Variants in NFIC observed in about 807,000 individuals in gnomAD.
NFIC encodes the protein nuclear factor 1 C-type.
NFIC carries 12 observed loss-of-function variants against 54.4 expected under a neutral mutation model. The observed-to-expected ratio is 0.22, with a 90% CI of 0.14 to 0.36. NFIC has a LOEUF of 0.36. NFIC is among the 10% of genes least tolerant of loss of function. The pLI is 1.00. For synonymous variants in NFIC, 322 were observed against 319.2 expected (o/e 1.01, Z -0.09); for missense variants, 575 against 718.2 (o/e 0.80, Z 2.28).
rs1482993460 is a variant in NFIC, at chr19:3,453,052, T to TAG, written c.1269+387_1269+388dup. ...GAGTTCAAGACCAACCTGGGCAGCA[T>TAG]AGCGTGACCCAGTTTCTACAAAAAA... On this transcript the variant is annotated intron_variant, in intron 8 of 10. Transcript: ENST00000443272. The surrounding 1 kb of genome is among the most constrained non-coding windows in gnomAD (Gnocchi z 6.7). Among the ~76,000 whole-genome samples the TAG allele has an allele frequency of 1.3e-5, 2 of 152,078 alleles. No homozygotes were observed. Among genetic ancestry groups the TAG allele is most frequent in the Non-Finnish European group, 2.9e-5 (2 of 68,022 alleles).
chr19:3,417,103 T>C (rs544537032), intron 2 of NFIC, among the ~76,000 whole-genome samples: 20 of 150,128 alleles, frequency 1.3e-4, no homozygotes, highest in African/African-American at 4.9e-4. Context: ...GCCAGGATGG[T>C]CTCGATCTCC....
At chr19:3,448,884 C>T (rs190328306) in intron 6 of NFIC, 130 bp from the exon 7 acceptor site, 7 of 1,409,058 alleles carry the variant, frequency 5.0e-6, no homozygotes, top group Non-Finnish European at 4.8e-6. Flanking sequence ...GCCTCTCCCC[C>T]TCAGGATTCT....
At chr19:3,359,723 C>CT in intron 1 of NFIC, 4 of 1,415,686 alleles carry the variant, frequency 2.8e-6, no homozygotes, top group Middle Eastern at 2.1e-4. Flanking sequence ...CGCCCGGGGA[C>CT]TTTTTGGGGT....
At position 3,463,860 on chromosome 19, in the gene NFIC, C is replaced by G; in HGVS notation, c.*1091C>G. 1 of 984,112 alleles carries G rather than the reference C, an allele frequency of 1.0e-6. No individual in the cohort carries two copies. The highest frequency in any genetic ancestry group is 1.2e-6 in the Non-Finnish European group (1 of 829,132). 61.0% of individuals were successfully genotyped at this position (984,112 alleles called of 1,614,324 possible). On this transcript the variant is annotated 3_prime_UTR_variant, in exon 11 of 11. Transcript: ENST00000443272. ...AAGTGCCTGATTACCACCACCCGCC[C>G]CCCCCTTTGTCCAGCTGGGACACGG...
chr19:3,406,149 A>G (rs1038227390), intron 2 of NFIC, among the ~76,000 whole-genome samples: 3 of 151,956 alleles, frequency 2.0e-5, no homozygotes, highest in Non-Finnish European at 2.9e-5. Flanking sequence ...CTGGAGTGCA[A>G]TGGCACGATT....
At position 3,453,948 on chromosome 19, in the gene NFIC, G is replaced by T; in HGVS notation, c.1423+32G>T. The T allele has an allele frequency of 6.7e-7, 1 of 1,491,750 alleles. No individual in the cohort carries two copies. The highest frequency in any genetic ancestry group is 8.9e-7 in the Non-Finnish European group (1 of 1,124,578). The allele number at this position is 1,491,750 out of a possible 1,614,324, so 92.4% of individuals were successfully genotyped here. A position where few individuals can be genotyped will look rare whatever the true frequency, so the allele number is the denominator to read the frequency against. ...ACGCGGGAAGCGGTGCCCTGGTGGG[G>T]CGGATGTCCGCAGGGGGGCCTGTCC... On this transcript the variant is annotated intron_variant, in intron 9 of 10. Coordinates refer to ENST00000443272, the MANE Select transcript of NFIC (RefSeq NM_001245002.2). The surrounding 1 kb of genome is among the most constrained non-coding windows in gnomAD (Gnocchi z 6.7).
At position 3,464,472 on chromosome 19, in the gene NFIC, G is replaced by C; in HGVS notation, c.*1703G>C. 1 of 983,864 alleles carries C rather than the reference G, an allele frequency of 1.0e-6. No individual in the cohort carries two copies. The allele number at this position is 983,864 out of a possible 1,614,324, so 60.9% of individuals were successfully genotyped here. Reference sequence around the variant, plus strand: ...CGCCATCTTTAGGGGAGGCCTGGGAGGGGGTGTTAGGTGTTTTAGGGCCAC... The same window carrying C: ...CGCCATCTTTAGGGGAGGCCTGGGACGGGGTGTTAGGTGTTTTAGGGCCAC... On this transcript the variant is annotated 3_prime_UTR_variant, in exon 11 of 11. Transcript: ENST00000443272.
Position 3,468,850 on chromosome 19 carries a change from C to G in NFIC, c.*6081C>G, listed in dbSNP as rs1160000285. ...TCATGAACCCAATCCGGAGAAGGTT[C>G]CAGCAGGTCCCCCACCCTCCCCTCC... On this transcript the variant is annotated 3_prime_UTR_variant, in exon 11 of 11. Transcript: ENST00000443272. 1 of 152,342 alleles carries G rather than the reference C, an allele frequency of 6.6e-6. No individual in the cohort carries two copies. Among genetic ancestry groups the G allele is most frequent in the South Asian group, 2.1e-4 (1 of 4,822 alleles). The allele number at this position is 152,342 out of a possible 1,614,324, so 9.4% of individuals were successfully genotyped here.
At chr19:3,442,776 C>A (rs920882613) in intron 6 of NFIC, among the ~76,000 whole-genome samples, 5 of 152,200 alleles carry the variant, frequency 3.3e-5, no homozygotes, top group Non-Finnish European at 5.9e-5. Context: ...ACCTCCACCC[C>A]CCCTTGGCTC....
chr19:3,435,313 G>A (rs1298826839), intron 6 of NFIC, 106 bp downstream of exon 6: 4 of 1,405,022 alleles, frequency 2.8e-6, no homozygotes, highest in Admixed American at 2.8e-5. Flanking sequence ...CAGGAAGCCG[G>A]CCTGGAGCCG....
At chr19:3,394,759 G>A (rs1463008326) in intron 2 of NFIC, among the ~76,000 whole-genome samples, 2 of 151,936 alleles carry the variant, frequency 1.3e-5, no homozygotes, top group East Asian at 3.9e-4. Context: ...TCCACCTCCC[G>A]TCAGATCAGC....
chr19:3,433,665 C>T, intron 4 of NFIC, 73 bp downstream of exon 4: 6 of 1,493,618 alleles, frequency 4.0e-6, no homozygotes, highest in Non-Finnish European at 4.6e-6. Context: ...GAGCCCACCC[C>T]CCTCACCCTA....
intron 6 of NFIC, among the ~76,000 whole-genome samples, 186 bp downstream of exon 6, chr19:3,435,393 T>C (rs935922873): frequency 6.6e-6 from 1 of 152,206 alleles, no homozygotes; most frequent in African/African-American, 2.4e-5. Context: ...GTTCGCGTTC[T>C]CGGATCTCTT....
rs1005194118 is a variant in NFIC at position 3,453,955 on chromosome 19, T to C, written c.1423+39T>C. On this transcript the variant is annotated intron_variant, in intron 9 of 10. Transcript: ENST00000443272. The surrounding 1 kb of genome is among the most constrained non-coding windows in gnomAD (Gnocchi z 6.7). Reference sequence around the variant, plus strand: ...AAGCGGTGCCCTGGTGGGGCGGATGTCCGCAGGGGGGCCTGTCCCCTCCCC... The same window carrying C: ...AAGCGGTGCCCTGGTGGGGCGGATGCCCGCAGGGGGGCCTGTCCCCTCCCC... The C allele has an allele frequency of 1.4e-6, 2 of 1,480,232 alleles. No homozygotes were observed. Among genetic ancestry groups the C allele is most frequent in the African/African-American group, 2.9e-5 (2 of 69,506 alleles). 91.7% of individuals were successfully genotyped at this position (1,480,232 alleles called of 1,614,324 possible). A position where few individuals can be genotyped will look rare whatever the true frequency, so the allele number is the denominator to read the frequency against.
In NFIC at chr19:3,375,943, G is replaced by A. The variant is rs370142667; in HGVS notation, c.31-5769G>A. ...TGAGACCCCAATCTTACAGAGAACA[G>A]GCTGTTCTGAGAAAGGGACCCGTGG... On this transcript the variant is annotated intron_variant, in intron 1 of 10. Coordinates refer to ENST00000443272, the MANE Select transcript of NFIC (RefSeq NM_001245002.2). This position sits in a 1 kb window ranked among gnomAD's most constrained non-coding sequence, Gnocchi z 4.6. Among the ~76,000 whole-genome samples the A allele has an allele frequency of 1.4e-4, 22 of 152,092 alleles. No individual in the cohort carries two copies. Among genetic ancestry groups the A allele is most frequent in the African/African-American group, 5.3e-4 (22 of 41,432 alleles).
In NFIC at chr19:3,468,219, AAGGCT is replaced by A. The variant is rs2122000769; in HGVS notation, c.*5451_*5455del. ...CCCCGTCCATGGCAGCCCCCTCCCC[AAGGCT>A]TTGCTCACACCTGAGACAGGAAGGA... is the stretch of plus-strand genomic sequence containing the variant. On this transcript the variant is annotated 3_prime_UTR_variant, in exon 11 of 11. Coordinates refer to ENST00000443272, the MANE Select transcript of NFIC (RefSeq NM_001245002.2). 1 of 24,398 alleles carries A rather than the reference AAGGCT, an allele frequency of 4.1e-5. No homozygotes were observed. Among genetic ancestry groups the A allele is most frequent in the Admixed American group, 5.1e-4 (1 of 1,966 alleles). The allele number at this position is 24,398 out of a possible 1,614,324, so 1.5% of individuals were successfully genotyped here.
chr19:3,426,397 G>C (rs73523803), intron 3 of NFIC, among the ~76,000 whole-genome samples: 4,140 of 152,182 alleles, frequency 0.027, 189 homozygotes, highest in African/African-American at 0.093. Flanking sequence ...GCGTCTAATA[G>C]ATGGGTAGGA....
At chr19:3,450,430 C>T (rs951534289) in intron 7 of NFIC, among the ~76,000 whole-genome samples, 10 of 151,146 alleles carry the variant, frequency 6.6e-5, no homozygotes, top group Non-Finnish European at 1.0e-4. Context: ...CCGAGGCAGG[C>T]GGATCACCTG....
chr19:3,452,413 C>T lies in NFIC; in HGVS notation c.1085-69C>T. 1.9e-6 allele frequency: 3 copies of T among 1,567,976 alleles called. No homozygotes were observed. The highest frequency in any genetic ancestry group is 1.7e-5 in the Admixed American group (1 of 58,318). ...GGCAGGAATGACACCCACAGACACA[C>T]AGTCACACGGTCACAGAGCAGACCG... On this transcript the variant is annotated intron_variant, in intron 7 of 10. Coordinates refer to ENST00000443272, the MANE Select transcript of NFIC (RefSeq NM_001245002.2). This position sits in a 1 kb window ranked among gnomAD's most constrained non-coding sequence, Gnocchi z 5.3.
Sources: gnomAD v4.1 joint callset for allele counts (sites outside exome capture counted in the v4.1 genomes callset) on GRCh38, gnomAD v4.1.1 for gene constraint, Gnocchi (gnomAD v3.1) non-coding constraint, MANE v1.5 for transcripts, NCBI Gene and HGNC (gene_info 2026-07-23, HGNC 2026-07-21) for gene names.